LRRIQ1: variants seen among roughly 807,000 people sequenced by gnomAD.
LRRIQ1 encodes leucine rich repeats and IQ motif containing 1, also known as leucine-rich repeat- and IQ domain-containing protein 1.
LRRIQ1 carries 210 observed loss-of-function variants against 211.9 expected under a neutral mutation model. The observed-to-expected ratio is 0.99, with a 90% CI of 0.89 to 1.11. LRRIQ1 has a LOEUF of 1.11. Ranked by LOEUF, LRRIQ1 falls within the 50% of genes most tolerant of loss-of-function variation. The pLI is 0.00. For synonymous variants in LRRIQ1, 699 were observed against 650.1 expected, an observed-to-expected ratio of 1.08 and a Z score of -1.14; for missense variants, 2,136 against 1,939.5, an observed-to-expected ratio of 1.10 and a Z score of -1.90.
At chr12:85,206,075 G>A (rs1893529480) in intron 24 of LRRIQ1, among the ~76,000 whole-genome samples, 2 of 152,364 alleles carry the variant, frequency 1.3e-5, no homozygotes, top group South Asian at 2.1e-4. Context: ...GTCAGGCCAT[G>A]GCAGCAAGAT....
Position 85,055,636 on chromosome 12 carries a change from A to G in LRRIQ1, c.843A>G (p.Lys281=), listed in dbSNP as rs758653983. 2 of 1,582,756 alleles carry G rather than the reference A, an allele frequency of 1.3e-6. No homozygotes were observed. The highest frequency in any genetic ancestry group is 3.9e-5 in the Admixed American group (2 of 51,484). Reference sequence around the variant, plus strand: ...AAAAAGAAAAAAATTCTTTGTTAAAACAGCAGAATAATGCAGCTGTTAAAA... The same window carrying G: ...AAAAAGAAAAAAATTCTTTGTTAAAGCAGCAGAATAATGCAGCTGTTAAAA... ...QQEKEKNSLL[K]QQNNAAVKIQ... The change falls in exon 8 of 27, where the codon AAA becomes AAG. Residue 281 remains lysine, a synonymous_variant. Transcript: ENST00000393217.
chr12:85,091,265 T>C (rs1350515015), intron 11 of LRRIQ1, among the ~76,000 whole-genome samples: 2 of 152,232 alleles, frequency 1.3e-5, no homozygotes, highest in African/African-American at 4.8e-5. Context: ...TATTTATTTA[T>C]AGCAATGCAA....
intron 19 of LRRIQ1, among the ~76,000 whole-genome samples, chr12:85,142,929 A>T (rs1191627795): frequency 3.3e-5 from 5 of 151,610 alleles, no homozygotes; most frequent in African/African-American, 4.8e-5. Context: ...AACGATACAG[A>T]TATCTCTTCA....
chr12:85,269,198 A>G (rs866109534), downstream of LRRIQ1, among the ~76,000 whole-genome samples: 1 of 151,970 alleles, frequency 6.6e-6, no homozygotes. Flanking sequence ...GGGAAACAGG[A>G]TTGGATCAAC....
intron 12 of LRRIQ1, 44 bp from the exon 13 acceptor site, chr12:85,098,823 A>T (rs755090795): frequency 3.6e-5 from 50 of 1,382,962 alleles, no homozygotes; most frequent in South Asian, 2.4e-4. Flanking sequence ...TAAATGATAA[A>T]ATATTTTGCT....
Position 85,184,807 on chromosome 12 carries a change from T to C in LRRIQ1, c.4822+24093T>C, listed in dbSNP as rs192125639. Among the ~76,000 whole-genome samples the C allele has an allele frequency of 2.4e-3, 362 of 152,102 alleles. 1 individual carries two copies. Among genetic ancestry groups the C allele is most frequent in the Non-Finnish European group, 3.9e-3 (265 of 67,878 alleles). The stretch of plus-strand genomic sequence containing the variant: ...AAGAAGTATTTCCTTAAAATAGCAG[T>C]TTTAATGTTAAACATACGTTTGATA... On this transcript the variant is annotated intron_variant, in intron 24 of 26. Transcript: ENST00000393217.
intron 1 of LRRIQ1, among the ~76,000 whole-genome samples, chr12:85,261,583 A>G (rs906364137): frequency 5.9e-5 from 9 of 151,630 alleles, no homozygotes; most frequent in Non-Finnish European, 1.3e-4. Context: ...TTACTTAAGC[A>G]CGAAAGCATC....
At position 85,193,119 on chromosome 12, in the gene LRRIQ1, A is replaced by T. The variant is rs1363308767; in HGVS notation, c.4822+32405A>T. On this transcript the variant is annotated intron_variant, in intron 24 of 26. Coordinates refer to ENST00000393217, the MANE Select transcript of LRRIQ1 (RefSeq NM_001079910.2). ...ATATTTATATATAATTATAGTATAT[A>T]ATTATATATATTTTTATATATGGGA... is the stretch of plus-strand genomic sequence containing the variant. Among the ~76,000 whole-genome samples the T allele has an allele frequency of 1.3e-4, 17 of 126,050 alleles. No individual in the cohort carries two copies. The East Asian group carries it at 1.9e-3, about 14-fold the overall frequency. 82.7% of individuals were successfully genotyped at this position (126,050 alleles called of 152,430 possible). A position where few individuals can be genotyped will look rare whatever the true frequency, so the allele number is the denominator to read the frequency against.
At chr12:85,191,289 C>T (rs927452953) in intron 24 of LRRIQ1, among the ~76,000 whole-genome samples, 4 of 151,964 alleles carry the variant, frequency 2.6e-5, no homozygotes, top group Non-Finnish European at 2.9e-5. Flanking sequence ...AATAGTTTCT[C>T]TGTCATAAAA....
At chr12:85,192,967 TTATATATAAATATATAATTATATAATATA>T (rs1892660433) in intron 24 of LRRIQ1, among the ~76,000 whole-genome samples, 1 of 27,096 alleles carries the variant, frequency 3.7e-5, no homozygotes, top group Non-Finnish European at 6.4e-5. Context: ...TATAATATAA[TTATATATAAATATATAATTATATAATATA>T]ATATATAAAT....
chr12:85,268,772 A>T (rs149635679), downstream of LRRIQ1, among the ~76,000 whole-genome samples: 484 of 152,058 alleles, frequency 3.2e-3, 5 homozygotes, highest in African/African-American at 0.011. Flanking sequence ...TTCGTTGTTA[A>T]TCTTATTCAG....
At chr12:85,211,551 CACACAA>C (rs570518922) in intron 24 of LRRIQ1, among the ~76,000 whole-genome samples, 193 of 152,264 alleles carry the variant, frequency 1.3e-3, no homozygotes, top group Admixed American at 4.7e-3. Flanking sequence ...GTATTGGAAT[CACACAA>C]ACTTTGGCTC....
At chr12:85,120,527 A>G (rs543681432) in intron 15 of LRRIQ1, among the ~76,000 whole-genome samples, 40 of 152,270 alleles carry the variant, frequency 2.6e-4, no homozygotes, top group South Asian at 1.0e-3. Flanking sequence ...TTACCTCTCT[A>G]TATAAACTTT....
At chr12:85,119,160 C>T (rs1377807938) in intron 15 of LRRIQ1, among the ~76,000 whole-genome samples, 1 of 152,118 alleles carries the variant, frequency 6.6e-6, no homozygotes, top group Non-Finnish European at 1.5e-5. Context: ...TGTGCTTTGC[C>T]TATTCATCTC....
chr12:85,074,025 T>A (rs1487754833), intron 11 of LRRIQ1, among the ~76,000 whole-genome samples: 1 of 152,086 alleles, frequency 6.6e-6, no homozygotes, highest in Non-Finnish European at 1.5e-5. Context: ...CATTGGTAGT[T>A]TCAAGTTTAA....
chr12:85,042,066 T>C (rs1374671755), intron 3 of LRRIQ1, among the ~76,000 whole-genome samples: 1 of 151,934 alleles, frequency 6.6e-6, no homozygotes, highest in African/African-American at 2.4e-5. Flanking sequence ...TTATTTTTAC[T>C]CAGGTTTAAA....
At chr12:85,207,511 G>A (rs1893619396) in intron 24 of LRRIQ1, among the ~76,000 whole-genome samples, 1 of 152,106 alleles carries the variant, frequency 6.6e-6, no homozygotes, top group African/African-American at 2.4e-5. Context: ...TCACACAGAA[G>A]CATTTTTAAT....
intron 24 of LRRIQ1, among the ~76,000 whole-genome samples, chr12:85,163,121 G>A (rs1434074676): frequency 6.6e-6 from 1 of 152,096 alleles, no homozygotes; most frequent in Non-Finnish European, 1.5e-5. Context: ...AGCTTCCAAA[G>A]AAATATCCCA....
intron 25 of LRRIQ1, 126 bp downstream of exon 25, chr12:85,229,775 T>TA: frequency 1.2e-6 from 1 of 847,556 alleles, no homozygotes; most frequent in East Asian, 2.7e-5. Flanking sequence ...CGTTGCCGGG[T>TA]AATACAAAGG....
Sources: gnomAD v4.1 joint callset for allele counts (sites outside exome capture counted in the v4.1 genomes callset) on GRCh38, gnomAD v4.1.1 for gene constraint, MANE v1.5 for transcripts, NCBI Gene and HGNC (gene_info 2026-07-23, HGNC 2026-07-21) for gene names.